MEI1: variants seen among roughly 807,000 people sequenced by gnomAD.
The protein encoded by MEI1 is meiosis inhibitor protein 1.
Under a neutral mutation model 146.2 loss-of-function variants are expected in MEI1, and 103 were observed. The ratio of observed to expected loss-of-function variants is 0.70; its 90% CI spans 0.60 to 0.83. MEI1 has a LOEUF of 0.83. Ranked by LOEUF, MEI1 falls within the 40% of genes least tolerant of loss-of-function variation. The pLI is 0.00. For synonymous variants in MEI1, 652 were observed against 628.2 expected (o/e 1.04, Z -0.57); for missense variants, 1,529 against 1,533.0 (o/e 1.00, Z 0.04).
chr22:41,756,837 C>T (rs1157018755), intron 17 of MEI1, among the ~76,000 whole-genome samples: 2 of 152,218 alleles, frequency 1.3e-5, no homozygotes, highest in South Asian at 2.1e-4. Context: ...CGTAAGAAAT[C>T]TAGAAGTCTC....
At position 41,703,335 on chromosome 22, in the gene MEI1, T is replaced by C; in HGVS notation, c.179T>C (p.Val60Ala). 6.2e-7 allele frequency: 1 copy of C among 1,612,470 alleles called. No homozygotes were observed. Among genetic ancestry groups the C allele is most frequent in the East Asian group, 2.2e-5 (1 of 44,862 alleles). Residue 60 changes from valine (V) to alanine (A), a missense_variant, in exon 2 of 31, where the codon GTG (valine) becomes GCG (alanine). By Grantham distance (64) the Val-to-Ala change is moderately conservative (BLOSUM62 0). Coordinates refer to ENST00000401548, the MANE Select transcript of MEI1 (RefSeq NM_152513.4). ...ELLPDPGVSL[V>A]RKKHMLSCFQ... The stretch of plus-strand genomic sequence containing the variant: ...TTTTTCTTCATTTGCTTCAAGTTAG[T>C]GCGCAAGAAGCACATGTTGTCCTGC...
chr22:41,787,812 A>G (rs904578795), intron 26 of MEI1, among the ~76,000 whole-genome samples: 10 of 152,198 alleles, frequency 6.6e-5, no homozygotes, highest in Admixed American at 6.5e-4. Context: ...ACATTACATG[A>G]TCCCAGCCAT....
intron 6 of MEI1, among the ~76,000 whole-genome samples, chr22:41,722,467 ATT>A (rs749033326): frequency 0.014 from 1,847 of 127,500 alleles, 18 homozygotes; most frequent in Admixed American, 0.047. Flanking sequence ...CAGCATTTTA[ATT>A]TTTTTTTTTT....
chr22:41,703,144 T>C (rs567867720), intron 1 of MEI1, among the ~76,000 whole-genome samples, 187 bp from the exon 2 acceptor site: 47 of 152,366 alleles, frequency 3.1e-4, no homozygotes, highest in East Asian at 1.5e-3. Context: ...TAATCTTCTG[T>C]ATGAATACAT....
chr22:41,792,899 A>T (rs373205355), intron 26 of MEI1, among the ~76,000 whole-genome samples: 4 of 137,682 alleles, frequency 2.9e-5, no homozygotes, highest in African/African-American at 7.8e-5. Flanking sequence ...TACAATTTTG[A>T]TGAAAGATCC....
intron 26 of MEI1, among the ~76,000 whole-genome samples, 164 bp from the exon 27 acceptor site, chr22:41,793,665 A>C (rs1189987161): frequency 6.6e-6 from 1 of 152,232 alleles, no homozygotes; most frequent in Non-Finnish European, 1.5e-5. Flanking sequence ...TATGAGGGTG[A>C]GAGATGAAGC....
intron 20 of MEI1, among the ~76,000 whole-genome samples, chr22:41,773,351 G>A (rs886734248): frequency 6.6e-6 from 1 of 152,196 alleles, no homozygotes; most frequent in Non-Finnish European, 1.5e-5. Context: ...CATGAGGGTA[G>A]ATGAGATAGT....
intron 16 of MEI1, 33 bp from the exon 17 acceptor site, chr22:41,753,916 A>T: frequency 7.0e-7 from 1 of 1,438,848 alleles, no homozygotes; most frequent in Non-Finnish European, 9.8e-7. Flanking sequence ...TAGCAATGTC[A>T]TCTCTTCTAT....
chr22:41,766,174 A>C lies in MEI1; in HGVS notation c.2268+2853A>C, dbSNP rs186583956. Among the ~76,000 whole-genome samples the C allele has an allele frequency of 5.8e-3, 618 of 105,794 alleles. 4 individuals are homozygous for C. The highest frequency in any genetic ancestry group is 9.1e-3 in the Non-Finnish European group (456 of 50,012). The allele number at this position is 105,794 out of a possible 152,430, so 69.4% of individuals were successfully genotyped here. ...ACAGGCATGAGCCACCGTGCCGGCCATACGGTTTTTGTTTTTTGAGACAGA... is the reference window on the plus strand; with the variant it reads ...ACAGGCATGAGCCACCGTGCCGGCCCTACGGTTTTTGTTTTTTGAGACAGA... On this transcript the variant is annotated intron_variant, in intron 19 of 30. Coordinates refer to ENST00000401548, the MANE Select transcript of MEI1 (RefSeq NM_152513.4).
At chr22:41,717,743 G>A (rs1285494474) in intron 5 of MEI1, among the ~76,000 whole-genome samples, 1 of 151,234 alleles carries the variant, frequency 6.6e-6, no homozygotes, top group Non-Finnish European at 1.5e-5. Flanking sequence ...AGCTTCTCAA[G>A]TAGCTGGGAT....
intron 14 of MEI1, among the ~76,000 whole-genome samples, chr22:41,746,739 C>T (rs1355358468): frequency 6.6e-6 from 1 of 152,106 alleles, no homozygotes; most frequent in African/African-American, 2.4e-5. Flanking sequence ...TAACCATTTA[C>T]TGGGAACAGT....
intron 21 of MEI1, among the ~76,000 whole-genome samples, 174 bp downstream of exon 21, chr22:41,776,441 G>T (rs1289264698): frequency 6.6e-6 from 1 of 152,234 alleles, no homozygotes. Context: ...CTGCAGAGTG[G>T]GCGTACAACA....
chr22:41,778,705 C>T lies in MEI1; in HGVS notation c.2711-3C>T. The stretch of plus-strand genomic sequence containing the variant: ...CTTGCCCAGTCCTCCTTGTTCTTCA[C>T]AGCCTCGGGGAACCTACCATTGCTG... On this transcript the variant is annotated splice_polypyrimidine_tract_variant and splice_region_variant and intron_variant, in intron 21 of 30. Coordinates refer to ENST00000401548, the MANE Select transcript of MEI1 (RefSeq NM_152513.4). The T allele has an allele frequency of 6.3e-7, 1 of 1,595,602 alleles. No homozygotes were observed. Among genetic ancestry groups the T allele is most frequent in the Non-Finnish European group, 8.5e-7 (1 of 1,171,142 alleles).
intron 3 of MEI1, among the ~76,000 whole-genome samples, chr22:41,706,881 GA>G (rs2069132943): frequency 3.3e-5 from 5 of 151,966 alleles, no homozygotes; most frequent in Admixed American, 1.3e-4. Flanking sequence ...TATTTGAATA[GA>G]AAAAAACTTT....
At chr22:41,761,639 A>G (rs893492320) in intron 18 of MEI1, among the ~76,000 whole-genome samples, 6 of 152,080 alleles carry the variant, frequency 3.9e-5, no homozygotes, top group Non-Finnish European at 7.4e-5. Context: ...GAAAAAAAAA[A>G]TTATTAAGGT....
chr22:41,720,159 G>A (rs5758434), intron 6 of MEI1, among the ~76,000 whole-genome samples: 96,985 of 151,920 alleles, frequency 0.64, 34,111 homozygotes, highest in East Asian at 0.92. Flanking sequence ...GACAGGAGAA[G>A]CTTCCTAAAG....
intron 19 of MEI1, 39 bp from the exon 20 acceptor site, chr22:41,770,647 G>A (rs760994873): frequency 5.0e-6 from 8 of 1,589,524 alleles, no homozygotes; most frequent in South Asian, 1.2e-5. Context: ...TGGGTCCTCT[G>A]CAAGGTGTAT....
chr22:41,718,394 C>T, intron 6 of MEI1, 120 bp downstream of exon 6: 1 of 876,240 alleles, frequency 1.1e-6, no homozygotes, highest in East Asian at 2.7e-5. Context: ...GTAGAAGCCA[C>T]AAGGCTTGAG....
chr22:41,752,271 T>C (rs895231421), intron 15 of MEI1, among the ~76,000 whole-genome samples: 13 of 152,176 alleles, frequency 8.5e-5, no homozygotes, highest in Admixed American at 5.2e-4. Context: ...ATGTACCAAA[T>C]TGTAGTGGAG....
Sources: allele counts gnomAD v4.1 joint callset (sites outside exome capture counted in the v4.1 genomes callset), GRCh38; gene constraint gnomAD v4.1.1; transcripts MANE v1.5; gene names NCBI Gene and HGNC (gene_info 2026-07-23, HGNC 2026-07-21).